Variants in CEP97 observed in about 807,000 individuals in gnomAD.
CEP97 encodes the protein centrosomal protein of 97 kDa.
A neutral mutation model predicts 73.1 loss-of-function variants in CEP97; 43 were observed. The ratio of observed to expected loss-of-function variants is 0.59; its 90% confidence interval spans 0.46 to 0.76. The LOEUF (loss-of-function observed/expected upper bound fraction) is 0.76, where lower values mean the gene tolerates loss of function less well. Ranked by LOEUF, CEP97 falls within the 30% of genes least tolerant of loss-of-function variation. The pLI, the probability that CEP97 is intolerant of heterozygous loss-of-function variation, is 0.00. For synonymous variants in CEP97, 337 were observed against 370.0 expected, an observed-to-expected ratio of 0.91 and a Z score of 1.02; for missense variants, 939 against 1,014.0, an observed-to-expected ratio of 0.93 and a Z score of 1.00.
At chr3:101,746,658 A>G (rs1050770501) in intron 6 of CEP97, among the ~76,000 whole-genome samples, 1 of 152,174 alleles carries the variant, frequency 6.6e-6, no homozygotes, top group Non-Finnish European at 1.5e-5. Context: ...CAATGGCAAC[A>G]AAAGATAAAA....
At chr3:101,752,658 T>C (rs1576693536) in intron 6 of CEP97, among the ~76,000 whole-genome samples, 1 of 152,230 alleles carries the variant, frequency 6.6e-6, no homozygotes, top group Admixed American at 6.5e-5. Flanking sequence ...CTTCCATCAC[T>C]GATACCCTTT....
At chr3:101,727,065 A>G (rs1016667164) in intron 2 of CEP97, among the ~76,000 whole-genome samples, 15 of 152,164 alleles carry the variant, frequency 9.9e-5, no homozygotes, top group Non-Finnish European at 8.8e-5. Context: ...TATGTCTGGC[A>G]CTGTATTAAG....
Position 101,728,918 on chromosome 3 carries a change from CTAAAT to C in CEP97, c.430_434del (p.Lys144GlyfsTer17). On this transcript the variant is annotated frameshift_variant, in exon 4 of 11. Coordinates refer to ENST00000341893, the MANE Select transcript of CEP97 (RefSeq NM_024548.4). LOFTEE classifies it high-confidence loss of function. ...AATATATCCCAGATAGGTGATCTAT[CTAAAT>C]TGGTATCCCTGAAAGTAAGTATGTT... is the stretch of plus-strand genomic sequence containing the variant. The C allele has an allele frequency of 6.4e-7, 1 of 1,555,710 alleles. No individual in the cohort carries two copies. The highest frequency in any genetic ancestry group is 8.9e-7 in the Non-Finnish European group (1 of 1,127,632).
chr3:101,724,658 T>C lies in CEP97; in HGVS notation c.-19T>C. On this transcript the variant is annotated 5_prime_UTR_variant, in exon 1 of 11. Coordinates refer to ENST00000341893, the MANE Select transcript of CEP97 (RefSeq NM_024548.4). ...GCCGCGGGAGGACGGTTGCCTGGTATTATTAGCAAGCAGCAAATATGGCGG... is the reference window on the plus strand; with the variant it reads ...GCCGCGGGAGGACGGTTGCCTGGTACTATTAGCAAGCAGCAAATATGGCGG... 1 of 1,614,148 alleles carries C rather than the reference T, an allele frequency of 6.2e-7. No homozygotes were observed. Among genetic ancestry groups the C allele is most frequent in the Non-Finnish European group, 8.5e-7 (1 of 1,179,960 alleles).
intron 10 of CEP97, chr3:101,763,321 G>A (rs1387051570): frequency 1.6e-6 from 1 of 641,850 alleles, no homozygotes; most frequent in African/African-American, 2.0e-5. Flanking sequence ...TAATACTGTG[G>A]AATACCATGG....
rs766413464 is a variant in CEP97, at chr3:101,758,029, G to A, written c.1423G>A (p.Val475Ile). ...GATGAGAAGTGAAATCAATACAGAG[G>A]TAAATGAGAAAGCTGGACTATTACC... ...QMMRSEINTE[V>I]NEKAGLLPCP... Residue 475 changes from valine to isoleucine, a missense_variant, in exon 9 of 11, where the codon GTA (valine) becomes ATA (isoleucine). Coordinates refer to ENST00000341893, the MANE Select transcript of CEP97 (RefSeq NM_024548.4). The A allele has an allele frequency of 3.7e-6, 6 of 1,614,212 alleles. No homozygotes were observed. The highest frequency in any genetic ancestry group is 5.1e-6 in the Non-Finnish European group (6 of 1,180,030).
chr3:101,755,679 C>G (rs930090036), intron 7 of CEP97, 85 bp downstream of exon 7: 9 of 1,357,518 alleles, frequency 6.6e-6, no homozygotes, highest in Non-Finnish European at 9.3e-6. Flanking sequence ...AAGCCTGAGG[C>G]AAGTGCTGCG....
intron 6 of CEP97, among the ~76,000 whole-genome samples, chr3:101,735,887 C>T (rs1394537398): frequency 5.3e-5 from 8 of 152,164 alleles, no homozygotes; most frequent in African/African-American, 1.9e-4. Flanking sequence ...GCCAGCAAGC[C>T]AAGTGGTCTA....
chr3:101,731,878 A>C lies in CEP97; in HGVS notation c.486A>C (p.Arg162Ser). Residue 162 changes from arginine (R) to serine (S), a missense_variant, in exon 5 of 11, where the codon AGA (arginine) becomes AGC (serine). Coordinates refer to ENST00000341893, the MANE Select transcript of CEP97 (RefSeq NM_024548.4). Reference sequence around the variant, plus strand: ...ATGGAAACATCATCACCTCTCTTAGAATGGCACCTGCTTACCTACCCAGAA... The same window carrying C: ...ATGGAAACATCATCACCTCTCTTAGCATGGCACCTGCTTACCTACCCAGAA... ...LLHGNIITSL[R>S]MAPAYLPRSL... 1 of 1,610,906 alleles carries C rather than the reference A, an allele frequency of 6.2e-7. No individual in the cohort carries two copies. Among genetic ancestry groups the C allele is most frequent in the Non-Finnish European group, 8.5e-7 (1 of 1,177,148 alleles).
chr3:101,753,737 G>T (rs9810873), intron 6 of CEP97, among the ~76,000 whole-genome samples: 1 of 152,204 alleles, frequency 6.6e-6, no homozygotes, highest in African/African-American at 2.4e-5. Context: ...CTGGTGCACC[G>T]TTTTTTAAGC....
intron 7 of CEP97, 83 bp downstream of exon 7, chr3:101,755,677 G>A (rs780196947): frequency 2.9e-6 from 4 of 1,380,768 alleles, no homozygotes; most frequent in Non-Finnish European, 4.0e-6. Flanking sequence ...GTAAGCCTGA[G>A]GCAAGTGCTG....
intron 2 of CEP97, 35 bp from the exon 3 acceptor site, chr3:101,727,348 A>G (rs1178792697): frequency 1.2e-5 from 18 of 1,547,582 alleles, no homozygotes; most frequent in East Asian, 2.3e-5. Flanking sequence ...TATATATGTT[A>G]TTCCTAAAAA....
At chr3:101,755,682 G>A in intron 7 of CEP97, 88 bp downstream of exon 7, 1 of 1,318,966 alleles carries the variant, frequency 7.6e-7, no homozygotes, top group Non-Finnish European at 1.1e-6. Flanking sequence ...CCTGAGGCAA[G>A]TGCTGCGGCC....
chr3:101,765,337 C>T lies in CEP97; in HGVS notation c.2384C>T (p.Thr795Ile). ...ADERTNFDTE[T>I]RDSKLHIACF... ...GAGAGGACCAATTTTGATACAGAGA[C>T]AAGAGATAGCAAACTTCACATTGCT... Residue 795 changes from threonine (T) to isoleucine (I), a missense_variant, in exon 11 of 11, where the codon ACA becomes ATA. Physicochemically the swap from Thr to Ile is moderately conservative, Grantham distance 89 (BLOSUM62 -1). Transcript: ENST00000341893. The T allele has an allele frequency of 6.2e-7, 1 of 1,614,096 alleles. No individual in the cohort carries two copies. The highest frequency in any genetic ancestry group is 8.5e-7 in the Non-Finnish European group (1 of 1,180,028).
intron 4 of CEP97, among the ~76,000 whole-genome samples, chr3:101,731,278 A>G (rs1576676963): frequency 6.9e-6 from 1 of 145,452 alleles, no homozygotes; most frequent in Non-Finnish European, 1.5e-5. Flanking sequence ...ATGGCTTACT[A>G]TAGCCTCGAC....
In CEP97 at chr3:101,767,292, G is replaced by A. The variant is rs1939343934; in HGVS notation, c.*1741G>A. 1.3e-5 allele frequency: 2 copies of A among 152,206 alleles called. No homozygotes were observed. Among genetic ancestry groups the A allele is most frequent in the South Asian group, 4.1e-4 (2 of 4,824 alleles). The allele number at this position is 152,206 out of a possible 1,614,324, so 9.4% of individuals were successfully genotyped here. A position where few individuals can be genotyped will look rare whatever the true frequency, so the allele number is the denominator to read the frequency against. On this transcript the variant is annotated 3_prime_UTR_variant, in exon 11 of 11. Coordinates refer to ENST00000341893, the MANE Select transcript of CEP97 (RefSeq NM_024548.4). ...AGAAGGATTTTCCTTAGTGAAACAT[G>A]TGTAACATTGAATGCATGTTAAATA...
At chr3:101,739,356 G>T (rs1289253699) in intron 6 of CEP97, among the ~76,000 whole-genome samples, 1 of 152,158 alleles carries the variant, frequency 6.6e-6, no homozygotes, top group East Asian at 1.9e-4. Context: ...ACCTGGCAGA[G>T]ACACACACAC....
chr3:101,736,630 A>G (rs1938284436), intron 6 of CEP97, among the ~76,000 whole-genome samples: 1 of 152,240 alleles, frequency 6.6e-6, no homozygotes, highest in Non-Finnish European at 1.5e-5. Flanking sequence ...AAAACTAACA[A>G]ACAGAAAGGA....
At chr3:101,750,635 C>T (rs1938778780) in intron 6 of CEP97, among the ~76,000 whole-genome samples, 1 of 152,154 alleles carries the variant, frequency 6.6e-6, no homozygotes, top group Non-Finnish European at 1.5e-5. Flanking sequence ...CCTGGTTTAG[C>T]CTTGGGAGGG....
Sources: allele counts gnomAD v4.1 joint callset (sites outside exome capture counted in the v4.1 genomes callset), GRCh38; gene constraint gnomAD v4.1.1; transcripts MANE v1.5; gene names NCBI Gene and HGNC (gene_info 2026-07-23, HGNC 2026-07-21).